The following PRKCE variants were observed in gnomAD, a reference collection of about 807,000 sequenced individuals.
PRKCE encodes the protein protein kinase C epsilon type.
PRKCE carries 16 observed loss-of-function variants against 85.4 expected under a neutral mutation model. The ratio of observed to expected loss-of-function variants is 0.19; its 90% CI spans 0.13 to 0.28. PRKCE has a LOEUF of 0.28. PRKCE is among the 10% of genes least tolerant of loss of function. PRKCE has a pLI of 1.00. For synonymous variants in PRKCE, 388 were observed against 371.5 expected (o/e 1.04, Z -0.51); for missense variants, 573 against 975.2 (o/e 0.59, Z 5.49).
At chr2:45,744,418 TTTC>T (rs368352940) in intron 1 of PRKCE, among the ~76,000 whole-genome samples, 430 of 9,932 alleles carry the variant, frequency 0.043, 1 homozygote, top group South Asian at 0.098. Flanking sequence ...TTTTCTTTTC[TTTC>T]TTTCTTTCTT....
At chr2:45,978,768 A>C in intron 3 of PRKCE, 1 of 550,222 alleles carries the variant, frequency 1.8e-6, no homozygotes, top group Non-Finnish European at 3.2e-6. Context: ...CAAACCTTGC[A>C]CCTCCCCAAG....
intron 10 of PRKCE, among the ~76,000 whole-genome samples, chr2:46,076,001 C>T (rs971324191): frequency 5.3e-5 from 8 of 152,076 alleles, no homozygotes; most frequent in African/African-American, 7.2e-5. Context: ...ACCAGTGGGG[C>T]GAAACCAGGA....
chr2:45,908,288 A>G (rs1222483942), intron 2 of PRKCE, among the ~76,000 whole-genome samples: 3 of 152,200 alleles, frequency 2.0e-5, no homozygotes, highest in Admixed American at 6.5e-5. Context: ...GGCACTGGGA[A>G]GAAGCAAGTG....
intron 2 of PRKCE, among the ~76,000 whole-genome samples, chr2:45,949,955 G>A (rs925801852): frequency 6.6e-6 from 1 of 150,592 alleles, no homozygotes; most frequent in Non-Finnish European, 1.5e-5. Flanking sequence ...TGCTTTTTTG[G>A]CCATTTTTCT....
chr2:46,007,399 G>C, intron 8 of PRKCE, 63 bp from the exon 9 acceptor site: 2 of 1,535,300 alleles, frequency 1.3e-6, no homozygotes, highest in Non-Finnish European at 8.9e-7. Context: ...TGAGTGTTGA[G>C]TCCTAATGTA....
chr2:45,736,929 T>C (rs968372094), intron 1 of PRKCE, among the ~76,000 whole-genome samples: 1 of 152,114 alleles, frequency 6.6e-6, no homozygotes, highest in African/African-American at 2.4e-5. Flanking sequence ...AAAGCCCAAA[T>C]CCCAGTCCCA....
intron 1 of PRKCE, among the ~76,000 whole-genome samples, chr2:45,794,169 AT>A (rs1446528442): frequency 6.6e-6 from 1 of 152,122 alleles, no homozygotes; most frequent in Non-Finnish European, 1.5e-5. Flanking sequence ...GTGTGGCATC[AT>A]TGATTTATGA....
At chr2:45,706,702 A>G (rs1331695767) in intron 1 of PRKCE, among the ~76,000 whole-genome samples, 2 of 152,182 alleles carry the variant, frequency 1.3e-5, no homozygotes. Flanking sequence ...GCCCCCCACA[A>G]TGAATTAAAT....
At chr2:46,058,923 C>T (rs1323756394) in intron 10 of PRKCE, among the ~76,000 whole-genome samples, 1 of 152,170 alleles carries the variant, frequency 6.6e-6, no homozygotes, top group Non-Finnish European at 1.5e-5. Flanking sequence ...GTCTCAAACT[C>T]CTGGGCTCAA....
rs182512695 is a variant in PRKCE at position 45,880,929 on chromosome 2, G to A, written c.412+37866G>A. Among the ~76,000 whole-genome samples, 258 of 152,148 alleles carry A rather than the reference G, an allele frequency of 1.7e-3. 1 individual carries two copies. Among genetic ancestry groups the A allele is most frequent in the African/African-American group, 5.7e-3 (238 of 41,540 alleles). Reference sequence around the variant, plus strand: ...AGCACTTTGGGAGGCCGAGGCGGGCGGATCACGAGGTCAGGAGATCGAGAC... The same window carrying A: ...AGCACTTTGGGAGGCCGAGGCGGGCAGATCACGAGGTCAGGAGATCGAGAC... On this transcript the variant is annotated intron_variant, in intron 2 of 14. Transcript: ENST00000306156.
At chr2:46,134,980 A>T (rs1674815030) in intron 11 of PRKCE, among the ~76,000 whole-genome samples, 1 of 152,238 alleles carries the variant, frequency 6.6e-6, no homozygotes, top group Non-Finnish European at 1.5e-5. Context: ...ATGCAATCAG[A>T]TAAGCAATTC....
intron 8 of PRKCE, among the ~76,000 whole-genome samples, chr2:46,006,303 C>G (rs1358095275): frequency 6.6e-6 from 1 of 152,182 alleles, no homozygotes; most frequent in Non-Finnish European, 1.5e-5. Context: ...GCTTTTAGCT[C>G]TATTGTGAGA....
At chr2:46,010,949 G>A in intron 10 of PRKCE, 1 of 1,405,194 alleles carries the variant, frequency 7.1e-7, no homozygotes, top group South Asian at 1.7e-5. Flanking sequence ...CTGAAATAAA[G>A]GATGTGAACA....
At chr2:45,790,014 T>A (rs1159866140) in intron 1 of PRKCE, among the ~76,000 whole-genome samples, 1 of 151,962 alleles carries the variant, frequency 6.6e-6, no homozygotes, top group Admixed American at 6.5e-5. Context: ...GTCCCAAGAG[T>A]GGAAATCTCG....
chr2:45,751,567 T>A (rs1250318903), intron 1 of PRKCE, among the ~76,000 whole-genome samples: 2 of 152,112 alleles, frequency 1.3e-5, no homozygotes, highest in Admixed American at 1.3e-4. Flanking sequence ...AAAAGTCAAG[T>A]CTCTGAAGGA....
intron 2 of PRKCE, among the ~76,000 whole-genome samples, chr2:45,972,707 A>T (rs1481545808): frequency 1.3e-5 from 2 of 152,222 alleles, no homozygotes; most frequent in Non-Finnish European, 2.9e-5. Flanking sequence ...AACATCATTT[A>T]TTGAAGAGAA....
At chr2:46,090,397 A>G (rs923493281) in intron 11 of PRKCE, among the ~76,000 whole-genome samples, 2 of 151,934 alleles carry the variant, frequency 1.3e-5, no homozygotes, top group Non-Finnish European at 2.9e-5. Context: ...TTTATTGTGC[A>G]TTTTGCTTGT....
intron 1 of PRKCE, among the ~76,000 whole-genome samples, chr2:45,735,034 G>C (rs975290865): frequency 6.6e-6 from 1 of 152,244 alleles, no homozygotes; most frequent in African/African-American, 2.4e-5. Flanking sequence ...TCTGAGAACA[G>C]TCTTCAATAA....
intron 2 of PRKCE, among the ~76,000 whole-genome samples, chr2:45,948,217 A>C (rs1700370242): frequency 6.6e-6 from 1 of 152,220 alleles, no homozygotes; most frequent in Non-Finnish European, 1.5e-5. Context: ...CACATGCAAA[A>C]TAAAACAAAT....
Sources: gnomAD v4.1 joint callset for allele counts (sites outside exome capture counted in the v4.1 genomes callset) on GRCh38, gnomAD v4.1.1 for gene constraint, MANE v1.5 for transcripts, NCBI Gene and HGNC (gene_info 2026-07-23, HGNC 2026-07-21) for gene names.